RBFOX1: variants seen among roughly 807,000 people sequenced by gnomAD.
RBFOX1 encodes the protein RNA binding fox-1 homolog 1.
A neutral mutation model predicts 57.7 loss-of-function variants in RBFOX1; 8 were observed. The observed-to-expected ratio is 0.14, with a 90% CI of 0.08 to 0.25. RBFOX1 has a LOEUF of 0.25. Among genes scored for constraint, RBFOX1 ranks in the 10% least tolerant of loss-of-function variants. The probability of loss-of-function intolerance (pLI) is 1.00; values close to 1 mark genes in which losing one functional copy is unlikely to be tolerated. For synonymous variants in RBFOX1, 326 were observed against 222.4 expected, an observed-to-expected ratio of 1.47 and a Z score of -4.15; for missense variants, 611 against 548.5, an observed-to-expected ratio of 1.11 and a Z score of -1.14.
intron 12 of RBFOX1, among the ~76,000 whole-genome samples, chr16:7,662,874 C>G (rs2068119479): frequency 6.6e-6 from 1 of 152,208 alleles, no homozygotes; most frequent in Non-Finnish European, 1.5e-5. Context: ...GTTCAGATGT[C>G]TCAAGTAATA....
At chr16:7,388,205 C>A (rs2097916950) in intron 4 of RBFOX1, among the ~76,000 whole-genome samples, 1 of 152,078 alleles carries the variant, frequency 6.6e-6, no homozygotes, top group Non-Finnish European at 1.5e-5. Context: ...TCCTTCTTGG[C>A]AGAGTTCTAC....
At chr16:6,273,348 T>G (rs909840310) in intron 1 of RBFOX1, among the ~76,000 whole-genome samples, 5 of 146,040 alleles carry the variant, frequency 3.4e-5, no homozygotes, top group African/African-American at 1.3e-4. Flanking sequence ...TGGTTTTTTT[T>G]TTTTTTTTTT....
At chr16:5,898,199 C>T (rs1030558438) in intron 4 of RBFOX1, among the ~76,000 whole-genome samples, 6 of 152,098 alleles carry the variant, frequency 3.9e-5, no homozygotes, top group Non-Finnish European at 7.4e-5. Context: ...CACTCACTCT[C>T]ATGAGAACAG....
intron 1 of RBFOX1, among the ~76,000 whole-genome samples, chr16:5,391,811 GGT>G (rs891403461): frequency 8.0e-5 from 12 of 150,724 alleles, no homozygotes; most frequent in African/African-American, 2.4e-4. Context: ...AAGAAACTAT[GGT>G]GTGTGTGTAT....
intron 1 of RBFOX1, among the ~76,000 whole-genome samples, chr16:5,411,143 G>T (rs1704641451): frequency 6.6e-6 from 1 of 152,240 alleles, no homozygotes; most frequent in African/African-American, 2.4e-5. Context: ...CCAGAGGGCA[G>T]ACTGTGGTGG....
chr16:6,846,971 A>T (rs933931589), intron 3 of RBFOX1, among the ~76,000 whole-genome samples: 1 of 152,060 alleles, frequency 6.6e-6, no homozygotes, highest in African/African-American at 2.4e-5. Context: ...TTGGGGGCAA[A>T]GTGATTTCCT....
intron 2 of RBFOX1, among the ~76,000 whole-genome samples, chr16:6,326,462 T>C (rs1363068115): frequency 6.6e-6 from 1 of 151,942 alleles, no homozygotes; most frequent in Non-Finnish European, 1.5e-5. Flanking sequence ...GACCAAGGAG[T>C]ATCCTAGATA....
At chr16:6,652,755 C>T (rs984255694) in intron 2 of RBFOX1, among the ~76,000 whole-genome samples, 7 of 151,944 alleles carry the variant, frequency 4.6e-5, no homozygotes, top group African/African-American at 1.7e-4. Context: ...TTTTCAGGGG[C>T]TCTGGGAGGG....
intron 3 of RBFOX1, among the ~76,000 whole-genome samples, chr16:6,850,948 A>G (rs1290444795): frequency 6.6e-6 from 1 of 152,224 alleles, no homozygotes; most frequent in African/African-American, 2.4e-5. Context: ...TTTATTTGTA[A>G]TAATAGCTAA....
At chr16:5,662,085 C>G (rs966611936) in intron 3 of RBFOX1, among the ~76,000 whole-genome samples, 3 of 152,140 alleles carry the variant, frequency 2.0e-5, no homozygotes, top group Non-Finnish European at 4.4e-5. Flanking sequence ...CGCGCCCGGC[C>G]AAAACTTAGA....
At chr16:6,815,037 G>A (rs1052119343) in intron 3 of RBFOX1, among the ~76,000 whole-genome samples, 2 of 152,166 alleles carry the variant, frequency 1.3e-5, no homozygotes, top group Admixed American at 1.3e-4. Context: ...CTAAACAAGG[G>A]ATGGATTATT....
intron 2 of RBFOX1, among the ~76,000 whole-genome samples, chr16:6,625,543 C>T (rs1033058821): frequency 6.6e-6 from 1 of 152,144 alleles, no homozygotes; most frequent in Admixed American, 6.5e-5. Flanking sequence ...AGAAAGCCCT[C>T]TCTGTCTGTT....
At chr16:5,687,997 C>T (rs574909252) in intron 3 of RBFOX1, among the ~76,000 whole-genome samples, 10 of 152,128 alleles carry the variant, frequency 6.6e-5, no homozygotes, top group Non-Finnish European at 1.2e-4. Flanking sequence ...TCTGCAAGGG[C>T]CCAAGTTTTG....
chr16:7,643,573 T>C (rs988640522), intron 11 of RBFOX1, among the ~76,000 whole-genome samples: 16 of 152,198 alleles, frequency 1.1e-4, no homozygotes, highest in African/African-American at 3.9e-4. Context: ...GTAATCAGGT[T>C]TGTGTTCATC....
chr16:5,834,208 T>C (rs1007443856), intron 3 of RBFOX1, among the ~76,000 whole-genome samples: 9 of 152,214 alleles, frequency 5.9e-5, no homozygotes, highest in Non-Finnish European at 1.0e-4. Context: ...GAGCTTTTAG[T>C]GTACTTCTCA....
intron 3 of RBFOX1, among the ~76,000 whole-genome samples, chr16:6,877,936 G>A (rs564326999): frequency 6.6e-6 from 1 of 152,146 alleles, no homozygotes; most frequent in African/African-American, 2.4e-5. Flanking sequence ...AACATACACA[G>A]AGTCTTGGAT....
intron 4 of RBFOX1, among the ~76,000 whole-genome samples, chr16:7,244,996 G>A (rs1386271400): frequency 6.6e-6 from 1 of 152,184 alleles, no homozygotes; most frequent in African/African-American, 2.4e-5. Context: ...CCTTCACAGT[G>A]CAGCTGCTCC....
intron 1 of RBFOX1, chr16:6,056,909 G>A (rs1255274096): frequency 2.7e-5 from 4 of 150,810 alleles, no homozygotes; most frequent in Non-Finnish European, 5.9e-5. Flanking sequence ...ACGGAGTGCA[G>A]ATTAATAACC....
chr16:6,227,042 T>C (rs992582892), intron 1 of RBFOX1, among the ~76,000 whole-genome samples: 4 of 151,702 alleles, frequency 2.6e-5, no homozygotes, highest in Non-Finnish European at 4.4e-5. Context: ...GATAATCGCT[T>C]GAATCTGGGA....
Sources: allele counts gnomAD v4.1 joint callset (sites outside exome capture counted in the v4.1 genomes callset), GRCh38; gene constraint gnomAD v4.1.1; transcripts MANE v1.5; gene names NCBI Gene and HGNC (gene_info 2026-07-23, HGNC 2026-07-21).